The following PLEKHM3 variants were observed in gnomAD, a reference collection of about 807,000 sequenced individuals.
PLEKHM3 encodes the protein pleckstrin homology domain-containing family M member 3.
In PLEKHM3, 45 loss-of-function variants were observed where a neutral mutation model predicts 81.8. The observed-to-expected ratio is 0.55, with a 90% CI of 0.43 to 0.71. PLEKHM3 has a LOEUF of 0.71. Among genes scored for constraint, PLEKHM3 ranks in the 30% least tolerant of loss-of-function variants. The pLI, the probability that PLEKHM3 is intolerant of heterozygous loss-of-function variation, is 0.00. For missense variants in PLEKHM3, 788 were observed against 924.3 expected, an observed-to-expected ratio of 0.85 and a Z score of 1.91; for synonymous variants, 352 against 356.4, an observed-to-expected ratio of 0.99 and a Z score of 0.14.
chr2:207,838,520 T>G (rs1164508427), intron 7 of PLEKHM3, among the ~76,000 whole-genome samples: 1 of 152,254 alleles, frequency 6.6e-6, no homozygotes, highest in Non-Finnish European at 1.5e-5. Context: ...ATTAACTCAC[T>G]GCCATCTTTT....
intron 6 of PLEKHM3, among the ~76,000 whole-genome samples, chr2:207,864,326 A>G (rs996221665): frequency 1.3e-5 from 2 of 152,206 alleles, no homozygotes; most frequent in African/African-American, 4.8e-5. Flanking sequence ...CATGAGATAT[A>G]CTTTCTAAGA....
chr2:207,862,673 G>C (rs2092473827), intron 6 of PLEKHM3, among the ~76,000 whole-genome samples: 2 of 152,050 alleles, frequency 1.3e-5, no homozygotes, highest in South Asian at 4.1e-4. Flanking sequence ...AATAGTATCT[G>C]AGGGAAATGT....
At chr2:207,969,767 C>T (rs78972205) in intron 3 of PLEKHM3, among the ~76,000 whole-genome samples, 13,590 of 152,164 alleles carry the variant, frequency 0.089, 847 homozygotes, top group Non-Finnish European at 0.13. Flanking sequence ...ATTTTATCCT[C>T]GGGTAATTAA....
At chr2:208,021,813 T>C (rs1574499077) in intron 1 of PLEKHM3, among the ~76,000 whole-genome samples, 1 of 152,342 alleles carries the variant, frequency 6.6e-6, no homozygotes, top group Admixed American at 6.5e-5. Flanking sequence ...TTACTATAGA[T>C]ACGCATTTTT....
intron 2 of PLEKHM3, among the ~76,000 whole-genome samples, chr2:207,998,830 G>T (rs905296881): frequency 1.3e-5 from 2 of 152,064 alleles, no homozygotes; most frequent in African/African-American, 4.8e-5. Context: ...GATTTAGAAT[G>T]GTTAAGGAGG....
At chr2:208,004,830 G>GT (rs1235625948) in intron 1 of PLEKHM3, among the ~76,000 whole-genome samples, 1 of 151,836 alleles carries the variant, frequency 6.6e-6, no homozygotes, top group Non-Finnish European at 1.5e-5. Context: ...TTTTTTGTTT[G>GT]TTTGTTTTTT....
At chr2:207,912,072 A>C (rs1284755772) in intron 5 of PLEKHM3, among the ~76,000 whole-genome samples, 1 of 152,224 alleles carries the variant, frequency 6.6e-6, no homozygotes, top group East Asian at 1.9e-4. Context: ...GTCTAAAATA[A>C]GGCATCGTGC....
At chr2:207,857,399 C>A (rs2092442370) in intron 7 of PLEKHM3, among the ~76,000 whole-genome samples, 1 of 152,034 alleles carries the variant, frequency 6.6e-6, no homozygotes, top group Non-Finnish European at 1.5e-5. Context: ...TTATGAATAT[C>A]TCACTCTGGA....
chr2:208,005,112 A>G (rs1184905918), intron 1 of PLEKHM3, among the ~76,000 whole-genome samples: 1 of 152,236 alleles, frequency 6.6e-6, no homozygotes, highest in African/African-American at 2.4e-5. Flanking sequence ...GGCGTGAGGC[A>G]CCACTCCTGG....
chr2:207,865,801 A>ATATAT (rs1192139812), intron 6 of PLEKHM3, among the ~76,000 whole-genome samples: 6 of 25,286 alleles, frequency 2.4e-4, no homozygotes, highest in East Asian at 1.1e-3. Flanking sequence ...AAAAAAAAAA[A>ATATAT]AGATATATAT....
At chr2:207,932,579 C>T (rs1442798939) in intron 4 of PLEKHM3, among the ~76,000 whole-genome samples, 1 of 152,142 alleles carries the variant, frequency 6.6e-6, no homozygotes, top group African/African-American at 2.4e-5. Flanking sequence ...GGATACAGTT[C>T]CTTCCCTCAA....
chr2:207,982,511 C>CT (rs147667335), intron 2 of PLEKHM3, among the ~76,000 whole-genome samples: 8,082 of 151,926 alleles, frequency 0.053, 681 homozygotes, highest in African/African-American at 0.18. Flanking sequence ...TTCAAGCAAC[C>CT]CTCTCACCTT....
At chr2:208,006,948 C>G (rs1246074621) in intron 1 of PLEKHM3, among the ~76,000 whole-genome samples, 1 of 152,162 alleles carries the variant, frequency 6.6e-6, no homozygotes, top group Admixed American at 6.5e-5. Context: ...GCTCGTTAGG[C>G]AAGGCTAATT....
chr2:207,909,794 C>T (rs980689951), intron 5 of PLEKHM3, among the ~76,000 whole-genome samples: 3 of 152,204 alleles, frequency 2.0e-5, no homozygotes, highest in Non-Finnish European at 4.4e-5. Context: ...AGGTTTAGAA[C>T]CACTGGCCTA....
intron 7 of PLEKHM3, among the ~76,000 whole-genome samples, chr2:207,855,639 T>A (rs1335793276): frequency 6.6e-6 from 1 of 152,160 alleles, no homozygotes; most frequent in Non-Finnish European, 1.5e-5. Context: ...GTTGATCGTA[T>A]GTTCCCTTGA....
intron 7 of PLEKHM3, among the ~76,000 whole-genome samples, chr2:207,838,454 G>C (rs1226917912): frequency 6.6e-6 from 1 of 152,210 alleles, no homozygotes; most frequent in East Asian, 1.9e-4. Context: ...CTTTAAAATA[G>C]AATGTAAATA....
intron 7 of PLEKHM3, among the ~76,000 whole-genome samples, chr2:207,829,023 T>C (rs1191145744): frequency 6.6e-6 from 1 of 152,228 alleles, no homozygotes; most frequent in East Asian, 1.9e-4. Flanking sequence ...CTGAATGACA[T>C]CCTGTGGTCT....
chr2:207,886,033 T>C (rs1687876352), intron 6 of PLEKHM3, among the ~76,000 whole-genome samples: 1 of 152,164 alleles, frequency 6.6e-6, no homozygotes, highest in Non-Finnish European at 1.5e-5. Flanking sequence ...AGTATAATTT[T>C]TTTCAAGTTT....
At chr2:207,891,207 C>A (rs565908820) in intron 6 of PLEKHM3, among the ~76,000 whole-genome samples, 8 of 152,238 alleles carry the variant, frequency 5.3e-5, no homozygotes, top group African/African-American at 1.9e-4. Flanking sequence ...GAATAAAAAA[C>A]GGAGACAAAG....
Sources: allele counts gnomAD v4.1 joint callset (sites outside exome capture counted in the v4.1 genomes callset), GRCh38; gene constraint gnomAD v4.1.1; transcripts MANE v1.5; gene names NCBI Gene and HGNC (gene_info 2026-07-23, HGNC 2026-07-21).